The following PREX1 variants were observed in gnomAD, a reference collection of about 807,000 sequenced individuals.
The protein encoded by PREX1 is phosphatidylinositol 3,4,5-trisphosphate-dependent Rac exchanger 1 protein.
PREX1 carries 41 observed loss-of-function variants against 198.3 expected under a neutral mutation model. That is an observed-to-expected ratio of 0.21 (90% confidence interval 0.16 to 0.27). PREX1 has a LOEUF of 0.27. Ranked by LOEUF, PREX1 falls within the 10% of genes least tolerant of loss-of-function variation. The pLI, the probability that PREX1 is intolerant of heterozygous loss-of-function variation, is 1.00. For synonymous variants in PREX1, 843 were observed against 887.2 expected (o/e 0.95, Z 0.89); for missense variants, 1,620 against 2,200.7 (o/e 0.74, Z 5.28).
intron 1 of PREX1, among the ~76,000 whole-genome samples, chr20:48,812,585 G>A (rs1361060528): frequency 6.6e-6 from 1 of 151,978 alleles, no homozygotes; most frequent in Admixed American, 6.6e-5. Flanking sequence ...TATAAGTATA[G>A]CTAATATATA....
intron 31 of PREX1, 129 bp from the exon 32 acceptor site, chr20:48,636,812 T>C (rs3935548): frequency 0.022 from 17,113 of 790,808 alleles, 258 homozygotes; most frequent in Non-Finnish European, 0.025. Context: ...AGGCCAGAAA[T>C]TACTTTTTGG....
intron 1 of PREX1, among the ~76,000 whole-genome samples, chr20:48,749,362 G>T (rs1369074305): frequency 6.6e-6 from 1 of 152,172 alleles, no homozygotes; most frequent in African/African-American, 2.4e-5. Context: ...GCTGCTCCAG[G>T]TGAGCACATG....
chr20:48,655,441 C>T lies in PREX1; in HGVS notation c.2124-66G>A, dbSNP rs1029292154. 1.5e-5 allele frequency: 20 copies of T among 1,303,522 alleles called. No homozygotes were observed. The Admixed American group carries it at 2.2e-4, about 14-fold the overall frequency. 80.7% of individuals were successfully genotyped at this position (1,303,522 alleles called of 1,614,324 possible). Reference sequence around the variant, plus strand: ...AAACCAGCATCACTCTCAATAACCCCGGTGCCAACCCAGAGACTTTCTGCC... The same window carrying T: ...AAACCAGCATCACTCTCAATAACCCTGGTGCCAACCCAGAGACTTTCTGCC... On this transcript the variant is annotated intron_variant, in intron 18 of 39. Transcript: ENST00000371941.
the PREX1 span, among the ~76,000 whole-genome samples, chr20:48,836,916 A>AG: frequency 2.0e-5 from 3 of 150,894 alleles, no homozygotes; most frequent in East Asian, 5.8e-4. Context: ...AAAAAAAAAA[A>AG]AAAAAAAAAA....
At chr20:48,719,815 A>G (rs1464777722) in intron 5 of PREX1, among the ~76,000 whole-genome samples, 2 of 152,046 alleles carry the variant, frequency 1.3e-5, no homozygotes, top group African/African-American at 4.8e-5. Flanking sequence ...TGACCACCCC[A>G]CGGTCCATCC....
At chr20:48,672,044 C>T (rs2089678736) in intron 14 of PREX1, among the ~76,000 whole-genome samples, 1 of 152,206 alleles carries the variant, frequency 6.6e-6, no homozygotes, top group South Asian at 2.1e-4. Flanking sequence ...TCTGGCCGAG[C>T]CCACAACTCC....
chr20:48,876,886 T>G, the PREX1 span, among the ~76,000 whole-genome samples: 3 of 152,126 alleles, frequency 2.0e-5, no homozygotes, highest in African/African-American at 7.2e-5. Context: ...GACCCAAGCA[T>G]GTAGTGGGGC....
intron 29 of PREX1, among the ~76,000 whole-genome samples, chr20:48,640,206 T>C (rs1265611769): frequency 3.9e-5 from 6 of 152,240 alleles, no homozygotes; most frequent in Non-Finnish European, 7.3e-5. Flanking sequence ...CGTCTAAGCC[T>C]GGATGTTGTA....
In PREX1 at chr20:48,652,626, G is replaced by A. The variant is rs953134872; in HGVS notation, c.2427C>T (p.Pro809=). The change falls in exon 21 of 40, where the codon CCC becomes CCT. Residue 809 remains proline (P), a synonymous_variant. Transcript: ENST00000371941. ...RASQEASTED[P]SGEQAQEEDQ... ...CTTCCTCCTGGGCCTGCTCGCCACT[G>A]GGGTCCTCAGTGGAGGCCTCCTGAC... 9 of 1,613,354 alleles carry A rather than the reference G, an allele frequency of 5.6e-6. No individual in the cohort carries two copies. In the Admixed American group the frequency reaches 1.5e-4, roughly 27 times the overall value.
chr20:48,831,983 A>G (rs2090538003), upstream of PREX1, among the ~76,000 whole-genome samples: 1 of 151,950 alleles, frequency 6.6e-6, no homozygotes, highest in East Asian at 1.9e-4. Flanking sequence ...TTTGACCTCT[A>G]TTCCCTTCTT....
chr20:48,813,029 A>G (rs2090443372), intron 1 of PREX1, among the ~76,000 whole-genome samples: 1 of 152,260 alleles, frequency 6.6e-6, no homozygotes, highest in African/African-American at 2.4e-5. Context: ...AAACACAGTC[A>G]TACGTGGTGG....
chr20:48,703,734 G>A (rs1048901921), intron 6 of PREX1, among the ~76,000 whole-genome samples: 1 of 152,122 alleles, frequency 6.6e-6, no homozygotes, highest in Non-Finnish European at 1.5e-5. Flanking sequence ...GAGGAAGTCC[G>A]CCAGCCTGGG....
At chr20:48,653,015 C>T (rs569202270) in intron 20 of PREX1, among the ~76,000 whole-genome samples, 87 of 152,300 alleles carry the variant, frequency 5.7e-4, no homozygotes, top group African/African-American at 1.9e-3. Context: ...GAGGGAATCT[C>T]GCCCTCCACC....
rs544248425 is a variant in PREX1 at position 48,662,977 on chromosome 20, C to A, written c.1739-2916G>T. The stretch of plus-strand genomic sequence containing the variant: ...TTGTGCCCAGCTGACTGGCGGGAGG[C>A]TCGGGGCTGTCAGAGGGCCCCGAGG... On this transcript the variant is annotated intron_variant, in intron 15 of 39. Coordinates refer to ENST00000371941, the MANE Select transcript of PREX1 (RefSeq NM_020820.4). Among the ~76,000 whole-genome samples, 1,301 of 152,282 alleles carry A rather than the reference C, an allele frequency of 8.5e-3. 14 individuals carry two copies. The highest frequency in any genetic ancestry group is 0.01 in the Non-Finnish European group (702 of 68,012).
intron 3 of PREX1, among the ~76,000 whole-genome samples, chr20:48,736,640 C>T (rs568087625): frequency 2.0e-5 from 3 of 152,268 alleles, no homozygotes; most frequent in South Asian, 2.1e-4. Context: ...ATCACTCAGC[C>T]GTAGGTAAAA....
chr20:48,733,422 A>G (rs556364103), intron 4 of PREX1, among the ~76,000 whole-genome samples: 1 of 152,332 alleles, frequency 6.6e-6, no homozygotes, highest in South Asian at 2.1e-4. Context: ...TTTTGAGCCA[A>G]CGAGCATCAG....
chr20:48,714,116 C>A (rs1428545812), intron 5 of PREX1, among the ~76,000 whole-genome samples: 5 of 152,084 alleles, frequency 3.3e-5, no homozygotes, highest in African/African-American at 7.2e-5. Context: ...AATGTAAGAA[C>A]TAAAACTATA....
chr20:48,801,319 T>C (rs972045632), intron 1 of PREX1, among the ~76,000 whole-genome samples: 3 of 152,202 alleles, frequency 2.0e-5, no homozygotes, highest in African/African-American at 4.8e-5. Context: ...GAAGGTCTAA[T>C]TCTGAGAAGC....
At chr20:48,778,564 T>C (rs905625434) in intron 1 of PREX1, among the ~76,000 whole-genome samples, 3 of 151,954 alleles carry the variant, frequency 2.0e-5, no homozygotes, top group African/African-American at 7.3e-5. Context: ...TACTCCAGCC[T>C]GGGTGACAGA....
Sources: gnomAD v4.1 joint callset for allele counts (sites outside exome capture counted in the v4.1 genomes callset) on GRCh38, gnomAD v4.1.1 for gene constraint, MANE v1.5 for transcripts, NCBI Gene and HGNC (gene_info 2026-07-23, HGNC 2026-07-21) for gene names.